PDE7A: variants seen among roughly 807,000 people sequenced by gnomAD.
PDE7A encodes phosphodiesterase 7A.
PDE7A carries 39 observed loss-of-function variants against 64.3 expected under a neutral mutation model. The ratio of observed to expected loss-of-function variants is 0.61; its 90% CI spans 0.47 to 0.79. PDE7A has a LOEUF of 0.79. Among genes scored for constraint, PDE7A ranks in the 30% least tolerant of loss-of-function variants. The pLI, the probability that PDE7A is intolerant of heterozygous loss-of-function variation, is 0.00. For missense variants in PDE7A, 470 were observed against 582.8 expected, an observed-to-expected ratio of 0.81 and a Z score of 1.99; for synonymous variants, 203 against 206.8, an observed-to-expected ratio of 0.98 and a Z score of 0.16.
chr8:65,774,184 G>A (rs1476996396), intron 3 of PDE7A, among the ~76,000 whole-genome samples: 1 of 152,190 alleles, frequency 6.6e-6, no homozygotes, highest in Non-Finnish European at 1.5e-5. Flanking sequence ...GAAAAACTAT[G>A]TATTGAATCA....
intron 1 of PDE7A, among the ~76,000 whole-genome samples, chr8:65,809,518 C>T (rs1167734094): frequency 6.6e-6 from 1 of 152,020 alleles, no homozygotes; most frequent in African/African-American, 2.4e-5. Context: ...GATTGATTTC[C>T]GTAAGAAATA....
chr8:65,777,226 T>A (rs1373885864), intron 3 of PDE7A, among the ~76,000 whole-genome samples: 1 of 151,946 alleles, frequency 6.6e-6, no homozygotes, highest in African/African-American at 2.4e-5. Context: ...ATTACAGGCA[T>A]GCACCACCAC....
chr8:65,841,579 G>T lies in PDE7A; in HGVS notation c.-71C>A, dbSNP rs1460472765. ...CCGCCGGCCCCTGCAGTGGGAGGGG[G>T]CCGCGGCTCGGGGGCTCCGGGCCGA... On this transcript the variant is annotated 5_prime_UTR_variant, in exon 1 of 13. Coordinates refer to ENST00000401827, the MANE Select transcript of PDE7A (RefSeq NM_001242318.3). The T allele has an allele frequency of 2.2e-5, 21 of 943,000 alleles. No individual in the cohort carries two copies. The highest frequency in any genetic ancestry group is 4.4e-5 in the South Asian group (1 of 22,602). 58.4% of individuals were successfully genotyped at this position (943,000 alleles called of 1,614,324 possible).
intron 1 of PDE7A, among the ~76,000 whole-genome samples, chr8:65,829,733 T>C (rs1042262417): frequency 3.3e-5 from 5 of 152,032 alleles, no homozygotes; most frequent in African/African-American, 9.7e-5. Context: ...TTTCAAGCAT[T>C]GATATTCTGA....
chr8:65,785,392 T>G (rs868186695), intron 1 of PDE7A, among the ~76,000 whole-genome samples: 25 of 152,312 alleles, frequency 1.6e-4, no homozygotes, highest in African/African-American at 6.0e-4. Flanking sequence ...AAGCATGATC[T>G]TAAATCCCAA....
At chr8:65,802,544 G>A (rs1810017037) in intron 1 of PDE7A, among the ~76,000 whole-genome samples, 1 of 152,106 alleles carries the variant, frequency 6.6e-6, no homozygotes, top group Non-Finnish European at 1.5e-5. Context: ...CTTCATACAA[G>A]TTATATTCTA....
At chr8:65,771,706 C>G (rs947899600) in intron 3 of PDE7A, among the ~76,000 whole-genome samples, 1 of 151,754 alleles carries the variant, frequency 6.6e-6, no homozygotes, top group Non-Finnish European at 1.5e-5. Context: ...GAAACCCCAT[C>G]TCTACTAAAA....
intron 3 of PDE7A, among the ~76,000 whole-genome samples, chr8:65,751,272 C>T (rs1327373514): frequency 1.3e-5 from 2 of 152,050 alleles, no homozygotes; most frequent in East Asian, 1.9e-4. Context: ...CCAGAACTTT[C>T]GGGGGATGTC....
intron 4 of PDE7A, among the ~76,000 whole-genome samples, chr8:65,746,564 A>G (rs542630536): frequency 1.3e-5 from 2 of 152,308 alleles, no homozygotes; most frequent in South Asian, 2.1e-4. Context: ...TATACCATAC[A>G]TTCTTAACCT....
intron 1 of PDE7A, among the ~76,000 whole-genome samples, chr8:65,797,161 G>C (rs572974621): frequency 1.3e-5 from 2 of 152,284 alleles, no homozygotes; most frequent in East Asian, 3.8e-4. Context: ...ACAAAACATA[G>C]TATGGGGTTG....
chr8:65,818,763 C>T (rs1810472971), intron 1 of PDE7A, among the ~76,000 whole-genome samples: 1 of 152,186 alleles, frequency 6.6e-6, no homozygotes, highest in Non-Finnish European at 1.5e-5. Context: ...ACAGCCTCAT[C>T]CAGGAATATT....
At chr8:65,809,848 C>G (rs545805769) in intron 1 of PDE7A, among the ~76,000 whole-genome samples, 4 of 152,164 alleles carry the variant, frequency 2.6e-5, no homozygotes, top group African/African-American at 4.8e-5. Flanking sequence ...CAGGAAACAA[C>G]AGGTGCTGGA....
chr8:65,770,120 TCTGTGTGTG>T (rs1487201730), intron 3 of PDE7A, among the ~76,000 whole-genome samples: 1 of 112,584 alleles, frequency 8.9e-6, no homozygotes, highest in African/African-American at 4.2e-5. Context: ...GCAGTATACT[TCTGTGTGTG>T]TGTGTGTGTG....
In PDE7A at chr8:65,719,447, A is replaced by C. The variant is rs746312759; in HGVS notation, c.1292T>G (p.Phe431Cys). The C allele has an allele frequency of 1.2e-6, 2 of 1,614,062 alleles. No individual in the cohort carries two copies. Among genetic ancestry groups the C allele is most frequent in the Non-Finnish European group, 1.7e-6 (2 of 1,180,006 alleles). The change falls in exon 13 of 13, where the codon TTT becomes TGT. Residue 431 changes from phenylalanine to cysteine, a missense_variant. By Grantham distance (205) the Phe-to-Cys change is radical. Transcript: ENST00000401827. Reference protein sequence around the residue: ...VEPLFTEWARFSNTRLSQTML... With the variant: ...VEPLFTEWARCSNTRLSQTML... ...TGTCTGGGATAGCCTTGTATTGGAA[A>C]ACCTGGCCCATTCTGTAAATAAAGG... is the stretch of plus-strand genomic sequence containing the variant.
chr8:65,776,850 T>C (rs1809273023), intron 3 of PDE7A, among the ~76,000 whole-genome samples: 1 of 152,198 alleles, frequency 6.6e-6, no homozygotes, highest in Admixed American at 6.5e-5. Flanking sequence ...TTCATTTCTT[T>C]TTCTTGCATT....
At chr8:65,790,109 A>C (rs1395808055) in intron 1 of PDE7A, among the ~76,000 whole-genome samples, 1 of 152,220 alleles carries the variant, frequency 6.6e-6, no homozygotes, top group African/African-American at 2.4e-5. Flanking sequence ...TGTGCAGACG[A>C]AGAACAGGCG....
chr8:65,732,525 T>TAATC (rs1486819398), intron 7 of PDE7A, among the ~76,000 whole-genome samples: 3 of 152,150 alleles, frequency 2.0e-5, no homozygotes, highest in Admixed American at 6.5e-5. Context: ...GGCATCTATC[T>TAATC]AATCTATCTA....
intron 1 of PDE7A, among the ~76,000 whole-genome samples, chr8:65,829,096 T>A (rs527871014): frequency 2.6e-5 from 4 of 152,224 alleles, no homozygotes; most frequent in South Asian, 2.1e-4. Context: ...AGTAAAATTT[T>A]AAAAAAATTT....
At chr8:65,825,793 C>T (rs1810657939) in intron 1 of PDE7A, among the ~76,000 whole-genome samples, 1 of 152,124 alleles carries the variant, frequency 6.6e-6, no homozygotes, top group African/African-American at 2.4e-5. Context: ...ACTAGGGACA[C>T]AGTAGTGAAT....
Sources: allele counts gnomAD v4.1 joint callset (sites outside exome capture counted in the v4.1 genomes callset), GRCh38; gene constraint gnomAD v4.1.1; transcripts MANE v1.5; gene names NCBI Gene and HGNC (gene_info 2026-07-23, HGNC 2026-07-21).